The following FHAD1 variants were observed in gnomAD, a reference collection of about 807,000 sequenced individuals.
FHAD1 encodes the protein forkhead associated phosphopeptide binding domain 1, also known as forkhead-associated domain-containing protein 1.
Under a neutral mutation model 191.3 loss-of-function variants are expected in FHAD1, and 146 were observed. That is an observed-to-expected ratio of 0.76 (90% CI 0.67 to 0.88). FHAD1 has a LOEUF of 0.88. FHAD1 is among the 40% of genes least tolerant of loss of function. The pLI, the probability that FHAD1 is intolerant of heterozygous loss-of-function variation, is 0.00. For synonymous variants in FHAD1, 616 were observed against 672.3 expected (o/e 0.92, Z 1.29); for missense variants, 1,635 against 1,785.8 (o/e 0.92, Z 1.52).
chr1:15,384,596 A>C (rs1477015283), intron 31 of FHAD1: 1 of 152,238 alleles, frequency 6.6e-6, no homozygotes, highest in Non-Finnish European at 1.5e-5. Context: ...TGGCCTCCCT[A>C]GGCACACACA....
rs115891318 is a variant in FHAD1 at position 15,251,806 on chromosome 1, G to A, written c.22G>A (p.Ala8Thr). The A allele has an allele frequency of 5.4e-4, 835 of 1,552,082 alleles. 2 individuals carry two copies. The African/African-American group carries it at 8.9e-3, about 17-fold the overall frequency. The change falls in exon 2 of 34, where the codon GCA becomes ACA. Residue 8 changes from alanine (A) to threonine (T), a missense_variant. By Grantham distance (58) the Ala-to-Thr change is moderately conservative. Coordinates refer to ENST00000688493, the MANE Select transcript of FHAD1 (RefSeq NM_001391957.1). MKAYLKS[A>T]EGFFVLNKST... The stretch of plus-strand genomic sequence containing the variant: ...GAGGATGAAGGCCTATCTAAAGAGC[G>A]CAGAAGGCTTTTTTGTCCTAAATAA...
rs1670818448 is a variant in FHAD1, at chr1:15,307,340, TC to T, written c.916-1272del. Reference sequence around the variant, plus strand: ...ATAGGCGGGAAGGACTTGCCTTGTCTCAGATGAGACTTTGACTTTTGGGTTA... The same window carrying T: ...ATAGGCGGGAAGGACTTGCCTTGTCTAGATGAGACTTTGACTTTTGGGTTA... On this transcript the variant is annotated intron_variant, in intron 6 of 33. Coordinates refer to ENST00000688493, the MANE Select transcript of FHAD1 (RefSeq NM_001391957.1). 2.0e-5 allele frequency among the ~76,000 whole-genome samples: 3 copies of T among 152,348 alleles called. No homozygotes were observed. The South Asian group carries it at 6.2e-4, about 32-fold the overall frequency.
chr1:15,375,381 A>C (rs1699303652), intron 27 of FHAD1, among the ~76,000 whole-genome samples: 1 of 151,934 alleles, frequency 6.6e-6, no homozygotes, highest in Non-Finnish European at 1.5e-5. Context: ...GTCCACCCTC[A>C]ATGGTCTCGG....
intron 18 of FHAD1, among the ~76,000 whole-genome samples, chr1:15,348,457 G>A (rs924827744): frequency 6.6e-6 from 1 of 152,124 alleles, no homozygotes; most frequent in Admixed American, 6.5e-5. Context: ...TAACTTCCCA[G>A]ACAAAACTCC....
intron 14 of FHAD1, among the ~76,000 whole-genome samples, chr1:15,331,746 G>A (rs891433992): frequency 6.6e-6 from 1 of 151,866 alleles, no homozygotes; most frequent in Admixed American, 6.6e-5. Context: ...CAGGCAAGCA[G>A]GCAAGCAGGC....
chr1:15,341,333 G>A (rs970338261), intron 15 of FHAD1, among the ~76,000 whole-genome samples: 1 of 152,162 alleles, frequency 6.6e-6, no homozygotes, highest in Non-Finnish European at 1.5e-5. Context: ...CACAGCTAAT[G>A]GGTGAAGAAT....
downstream of FHAD1, among the ~76,000 whole-genome samples, chr1:15,400,586 G>A (rs1258447680): frequency 6.6e-6 from 1 of 152,182 alleles, no homozygotes; most frequent in African/African-American, 2.4e-5. Context: ...AACGAAGGAA[G>A]GGCAGGTGCT....
rs1267700303 is a variant in FHAD1 at position 15,365,950 on chromosome 1, G to A, written c.3154+17G>A. Reference sequence around the variant, plus strand: ...ATTTGAGAGGTTTGAACAATTTCTGGTGTCTCTTGACCTCCTGACCCACTC... The same window carrying A: ...ATTTGAGAGGTTTGAACAATTTCTGATGTCTCTTGACCTCCTGACCCACTC... On this transcript the variant is annotated intron_variant, in intron 24 of 33. Coordinates refer to ENST00000688493, the MANE Select transcript of FHAD1 (RefSeq NM_001391957.1). 6.6e-7 allele frequency: 1 copy of A among 1,516,360 alleles called. No homozygotes were observed. The highest frequency in any genetic ancestry group is 2.0e-5 in the Admixed American group (1 of 50,956). 93.9% of individuals were successfully genotyped at this position (1,516,360 alleles called of 1,614,324 possible). A position where few individuals can be genotyped will look rare whatever the true frequency, so the allele number is the denominator to read the frequency against.
intron 10 of FHAD1, among the ~76,000 whole-genome samples, chr1:15,321,656 C>A (rs898090300): frequency 1.3e-5 from 2 of 152,218 alleles, no homozygotes; most frequent in African/African-American, 4.8e-5. Context: ...CCATCTAGAT[C>A]ATTTTTCTTC....
intron 22 of FHAD1, among the ~76,000 whole-genome samples, chr1:15,361,765 C>T (rs766916402): frequency 1.8e-4 from 27 of 149,486 alleles, no homozygotes; most frequent in Non-Finnish European, 3.4e-4. Flanking sequence ...CCAGCACTTC[C>T]GGAGGCCGAG....
chr1:15,337,666 G>A (rs529030080), intron 14 of FHAD1, among the ~76,000 whole-genome samples: 4 of 152,234 alleles, frequency 2.6e-5, no homozygotes, highest in African/African-American at 9.6e-5. Context: ...GACAATATCA[G>A]CAGTGCAATA....
At chr1:15,362,560 G>A in intron 22 of FHAD1, 82 bp from the exon 23 acceptor site, 2 of 1,153,944 alleles carry the variant, frequency 1.7e-6, no homozygotes, top group Admixed American at 2.0e-5. Flanking sequence ...GGGTTTGTAA[G>A]TTGTGAAAGA....
rs1322421003 is a variant in FHAD1, at chr1:15,365,837, T to C, written c.3058T>C (p.Leu1020=). 5.2e-6 allele frequency: 8 copies of C among 1,550,406 alleles called. No individual in the cohort carries two copies. The highest frequency in any genetic ancestry group is 1.7e-4 in the Middle Eastern group (1 of 6,010). ...MAYEHLIDDL[L]AAQKEILSQQ... ...TTTTGTGAATTTCAGAGATGACTTATTGGCTGCTCAGAAGGAAATTCTGTC... is the reference window on the plus strand; with the variant it reads ...TTTTGTGAATTTCAGAGATGACTTACTGGCTGCTCAGAAGGAAATTCTGTC... Residue 1020 remains leucine, a synonymous_variant, in exon 24 of 34, where the codon TTG becomes CTG. Transcript: ENST00000688493.
In FHAD1 at chr1:15,318,925, CTCTT is replaced by C. The variant is rs1250484083; in HGVS notation, c.1365+1004_1365+1007del. Among the ~76,000 whole-genome samples, 1 of 152,114 alleles carries C rather than the reference CTCTT, an allele frequency of 6.6e-6. No individual in the cohort carries two copies. The highest frequency in any genetic ancestry group is 1.5e-5 in the Non-Finnish European group (1 of 68,026). On this transcript the variant is annotated intron_variant, in intron 10 of 33. Coordinates refer to ENST00000688493, the MANE Select transcript of FHAD1 (RefSeq NM_001391957.1). This position sits in a 1 kb window ranked among gnomAD's most constrained non-coding sequence, Gnocchi z 4.1. ...GAGTCCTGAGCAGTGTGGACAGAAT[CTCTT>C]TCTTTCCATTTGAATCATCTAGTTT...
chr1:15,251,949 G>A (rs547184440), intron 2 of FHAD1, 72 bp downstream of exon 2: 30 of 1,271,786 alleles, frequency 2.4e-5, no homozygotes, highest in African/African-American at 6.0e-5. Context: ...AGTCCTTAGC[G>A]TTATGTGGAC....
intron 10 of FHAD1, among the ~76,000 whole-genome samples, chr1:15,322,666 G>C (rs187410709): frequency 6.6e-6 from 1 of 152,238 alleles, no homozygotes; most frequent in East Asian, 1.9e-4. Flanking sequence ...CTATTTGACA[G>C]TATGGAGTTA....
At chr1:15,296,251 ATT>A (rs779409884) in intron 4 of FHAD1, among the ~76,000 whole-genome samples, 25 of 134,554 alleles carry the variant, frequency 1.9e-4, no homozygotes, top group Non-Finnish European at 1.4e-4. Flanking sequence ...CCACTTTGTA[ATT>A]TTTTTTTTTT....
At chr1:15,350,388 A>C (rs570246787) in intron 19 of FHAD1, among the ~76,000 whole-genome samples, 1 of 152,336 alleles carries the variant, frequency 6.6e-6, no homozygotes, top group East Asian at 1.9e-4. Flanking sequence ...CTGGAAGGGA[A>C]AAGGAGCCTG....
intron 2 of FHAD1, among the ~76,000 whole-genome samples, chr1:15,254,165 A>G (rs938975999): frequency 6.6e-6 from 1 of 152,260 alleles, no homozygotes; most frequent in Non-Finnish European, 1.5e-5. Context: ...AACAAGGGGT[A>G]GATTTAAGGT....
Sources: allele counts gnomAD v4.1 joint callset (sites outside exome capture counted in the v4.1 genomes callset), GRCh38; gene constraint gnomAD v4.1.1; non-coding constraint Gnocchi (gnomAD v3.1); transcripts MANE v1.5; gene names NCBI Gene and HGNC (gene_info 2026-07-23, HGNC 2026-07-21).